KIF16B: variants seen among roughly 807,000 people sequenced by gnomAD.
KIF16B encodes kinesin family member 16B.
Under a neutral mutation model 156.3 loss-of-function variants are expected in KIF16B, and 98 were observed. The ratio of observed to expected loss-of-function variants is 0.63; its 90% CI spans 0.53 to 0.74. The LOEUF is 0.74. Ranked by LOEUF, KIF16B falls within the 30% of genes least tolerant of loss-of-function variation. The pLI is 0.00. For synonymous variants in KIF16B, 564 were observed against 583.7 expected, an observed-to-expected ratio of 0.97 and a Z score of 0.49; for missense variants, 1,421 against 1,606.5, an observed-to-expected ratio of 0.88 and a Z score of 1.97.
intron 24 of KIF16B, among the ~76,000 whole-genome samples, chr20:16,328,036 G>A (rs1187767923): frequency 1.3e-5 from 2 of 152,180 alleles, no homozygotes; most frequent in African/African-American, 4.8e-5. Flanking sequence ...AAGGCCAACA[G>A]CCAAATTCTT....
chr20:16,518,719 G>A (rs1290063889), intron 3 of KIF16B, among the ~76,000 whole-genome samples: 3 of 152,008 alleles, frequency 2.0e-5, no homozygotes, highest in East Asian at 3.9e-4. Context: ...ATTAATTTGG[G>A]AGAAAAAATA....
intron 17 of KIF16B, among the ~76,000 whole-genome samples, chr20:16,394,791 C>T (rs1485442179): frequency 1.3e-5 from 2 of 152,056 alleles, no homozygotes; most frequent in African/African-American, 4.8e-5. Flanking sequence ...GAAAAGTGTG[C>T]TTGCAAGGGA....
intron 1 of KIF16B, among the ~76,000 whole-genome samples, chr20:16,530,901 G>C (rs924013443): frequency 6.6e-6 from 1 of 151,976 alleles, no homozygotes; most frequent in Non-Finnish European, 1.5e-5. Context: ...GAGTTTTGCT[G>C]TGTTGCTCAG....
intron 22 of KIF16B, chr20:16,366,792 G>A: frequency 9.8e-7 from 1 of 1,018,510 alleles, no homozygotes; most frequent in South Asian, 3.9e-5. Context: ...CTGGAATCCA[G>A]TAGGCACAGA....
intron 12 of KIF16B, among the ~76,000 whole-genome samples, chr20:16,470,161 A>G (rs1292168018): frequency 6.6e-6 from 1 of 152,240 alleles, no homozygotes; most frequent in African/African-American, 2.4e-5. Context: ...TAAAAGGATC[A>G]GTGATTGCCA....
At chr20:16,549,363 C>T (rs1453776653) in intron 1 of KIF16B, among the ~76,000 whole-genome samples, 1 of 152,006 alleles carries the variant, frequency 6.6e-6, no homozygotes, top group African/African-American at 2.4e-5. Context: ...CTACAAAGGA[C>T]ATGAACTCAT....
At chr20:16,439,386 G>A (rs193105112) in intron 12 of KIF16B, among the ~76,000 whole-genome samples, 27 of 152,172 alleles carry the variant, frequency 1.8e-4, no homozygotes, top group African/African-American at 6.5e-4. Context: ...TTTCCCACAC[G>A]TTTGGAATAA....
intron 12 of KIF16B, among the ~76,000 whole-genome samples, chr20:16,493,401 T>C (rs570258621): frequency 5.8e-4 from 88 of 152,324 alleles, no homozygotes; most frequent in Non-Finnish European, 1.1e-3. Flanking sequence ...TGTGAAACAG[T>C]AATTAGGTGT....
Position 16,404,858 on chromosome 20 carries a change from G to C in KIF16B, c.1739C>G (p.Ser580Trp). 1 of 1,613,528 alleles carries C rather than the reference G, an allele frequency of 6.2e-7. No homozygotes were observed. Among genetic ancestry groups the C allele is most frequent in the Non-Finnish European group, 8.5e-7 (1 of 1,179,692 alleles). ...SSFSLSMTDL[S>W]KSRENLSAVM... Reference sequence around the variant, plus strand: ...TGCAGACAGGTTCTCACGGGACTTCGAGAGGTCGGTCATGGACAAGCTGAA... The same window carrying C: ...TGCAGACAGGTTCTCACGGGACTTCCAGAGGTCGGTCATGGACAAGCTGAA... Residue 580 changes from serine to tryptophan, a missense_variant, in exon 17 of 26, where the codon TCG becomes TGG. Coordinates refer to ENST00000354981, the MANE Select transcript of KIF16B (RefSeq NM_024704.5).
intron 1 of KIF16B, among the ~76,000 whole-genome samples, chr20:16,548,834 T>C (rs113786335): frequency 4.2e-4 from 64 of 152,166 alleles, no homozygotes; most frequent in African/African-American, 1.4e-3. Flanking sequence ...GTTTATGCAG[T>C]AAGTGAGATG....
intron 1 of KIF16B, among the ~76,000 whole-genome samples, chr20:16,562,062 CATA>C (rs2071082107): frequency 6.6e-6 from 1 of 152,154 alleles, no homozygotes; most frequent in Admixed American, 6.5e-5. Flanking sequence ...TTACATAAGG[CATA>C]ATATTACGGG....
At chr20:16,365,269 A>AGAAATTAGGAGAAATATTATTAT (rs2064639350) in intron 22 of KIF16B, among the ~76,000 whole-genome samples, 3 of 152,214 alleles carry the variant, frequency 2.0e-5, no homozygotes, top group Non-Finnish European at 4.4e-5. Flanking sequence ...AATATTATTA[A>AGAAATTAGGAGAAATATTATTAT]GATATTAGAA....
intron 12 of KIF16B, among the ~76,000 whole-genome samples, chr20:16,478,863 G>A (rs2067894273): frequency 6.6e-6 from 1 of 152,146 alleles, no homozygotes; most frequent in African/African-American, 2.4e-5. Flanking sequence ...AAGGATTCAG[G>A]CATTCACTAG....
intron 12 of KIF16B, among the ~76,000 whole-genome samples, chr20:16,441,926 A>G (rs1208211240): frequency 1.3e-5 from 2 of 152,198 alleles, no homozygotes; most frequent in South Asian, 2.1e-4. Flanking sequence ...ATCTAAGTCT[A>G]TATCTGTATT....
rs138579950 is a variant in KIF16B at position 16,506,104 on chromosome 20, G to A, written c.786C>T (p.Thr262=). The A allele has an allele frequency of 4.4e-5, 71 of 1,613,746 alleles. No homozygotes were observed. Among genetic ancestry groups the A allele is most frequent in the African/African-American group, 5.3e-5 (4 of 74,890 alleles). ...CCTTTAGCCTAACCCCGGTGGCTCC[G>A]GTGGCATCTGCACGCTCACTTCCGG... ...DLAGSERADA[T]GATGVRLKEG... The change falls in exon 8 of 26, where the codon ACC becomes ACT. Residue 262 remains threonine, a synonymous_variant. Coordinates refer to ENST00000354981, the MANE Select transcript of KIF16B (RefSeq NM_024704.5).
intron 3 of KIF16B, among the ~76,000 whole-genome samples, chr20:16,517,524 TG>T (rs2069181913): frequency 6.6e-6 from 1 of 152,200 alleles, no homozygotes; most frequent in East Asian, 1.9e-4. Flanking sequence ...GTCAGGTAAC[TG>T]GGAACACACC....
rs745327234 is a variant in KIF16B, at chr20:16,314,683, A to T, written c.3712-2265T>A. On this transcript the variant is annotated intron_variant, in intron 24 of 25. Coordinates refer to ENST00000354981, the MANE Select transcript of KIF16B (RefSeq NM_024704.5). ...CAAACTTTAAAAGGATTCCGTGAAG[A>T]TTTAGTGACTGGATTTTAGCTATAT... Among the ~76,000 whole-genome samples the T allele has an allele frequency of 7.1e-4, 108 of 152,350 alleles. 1 individual carries two copies. Among genetic ancestry groups the T allele is most frequent in the Non-Finnish European group, 1.4e-3 (92 of 68,038 alleles).
rs571941989 is a variant in KIF16B at position 16,398,145 on chromosome 20, G to A, written c.1784+6668C>T. ...GGAAATGCACAGAAAGCTTCCTGAG[G>A]ATACGACTCTATGCTCAGCTCAAAA... is the stretch of plus-strand genomic sequence containing the variant. On this transcript the variant is annotated intron_variant, in intron 17 of 25. Coordinates refer to ENST00000354981, the MANE Select transcript of KIF16B (RefSeq NM_024704.5). 1.9e-3 allele frequency among the ~76,000 whole-genome samples: 294 copies of A among 152,354 alleles called. 4 individuals are homozygous for A. The highest frequency in any genetic ancestry group is 2.5e-3 in the Non-Finnish European group (171 of 68,038).
At chr20:16,465,623 A>G (rs569715232) in intron 12 of KIF16B, among the ~76,000 whole-genome samples, 25 of 152,356 alleles carry the variant, frequency 1.6e-4, no homozygotes, top group African/African-American at 5.1e-4. Context: ...AAAAGAAAAA[A>G]TCACTTGTAG....
Sources: gnomAD v4.1 joint callset for allele counts (sites outside exome capture counted in the v4.1 genomes callset) on GRCh38, gnomAD v4.1.1 for gene constraint, MANE v1.5 for transcripts, NCBI Gene and HGNC (gene_info 2026-07-23, HGNC 2026-07-21) for gene names.